Variants in NFATC3 observed in about 807,000 individuals in gnomAD.
NFATC3 encodes the protein nuclear factor of activated T-cells, cytoplasmic 3.
NFATC3 carries 46 observed loss-of-function variants against 98.6 expected under a neutral mutation model. The ratio of observed to expected loss-of-function variants is 0.47; its 90% confidence interval spans 0.37 to 0.60. The LOEUF (loss-of-function observed/expected upper bound fraction) is 0.60. Among genes scored for constraint, NFATC3 ranks in the 20% least tolerant of loss-of-function variants. NFATC3 has a pLI of 0.00. For missense variants in NFATC3, 1,256 were observed against 1,295.5 expected, an observed-to-expected ratio of 0.97 and a Z score of 0.47; for synonymous variants, 512 against 472.2, an observed-to-expected ratio of 1.08 and a Z score of -1.09.
intron 5 of NFATC3, among the ~76,000 whole-genome samples, chr16:68,168,909 G>T (rs2039337692): frequency 6.6e-6 from 1 of 152,120 alleles, no homozygotes; most frequent in African/African-American, 2.4e-5. Context: ...TAAATCTGTG[G>T]TGAATTAGCT....
intron 1 of NFATC3, among the ~76,000 whole-genome samples, chr16:68,099,671 A>T (rs1185213252): frequency 6.6e-6 from 1 of 152,016 alleles, no homozygotes; most frequent in African/African-American, 2.4e-5. Context: ...ACTTCTTTAT[A>T]AGCACATCCT....
chr16:68,175,203 A>G (rs2039635163), intron 6 of NFATC3, among the ~76,000 whole-genome samples: 1 of 152,210 alleles, frequency 6.6e-6, no homozygotes, highest in South Asian at 2.1e-4. Context: ...CATTTGTATA[A>G]AATGTCCAGT....
chr16:68,138,499 A>G, intron 3 of NFATC3: 1 of 1,263,404 alleles, frequency 7.9e-7, no homozygotes, highest in Non-Finnish European at 1.0e-6. Context: ...TTTCTTTCAA[A>G]TTGTTGCTCA....
chr16:68,159,178 C>T (rs1051577683), intron 4 of NFATC3, among the ~76,000 whole-genome samples: 3 of 151,992 alleles, frequency 2.0e-5, no homozygotes, highest in African/African-American at 4.8e-5. Flanking sequence ...GGCAGTTAGT[C>T]GAGATAGTGC....
At chr16:68,130,288 T>C (rs2037051015) in intron 3 of NFATC3, among the ~76,000 whole-genome samples, 1 of 152,176 alleles carries the variant, frequency 6.6e-6, no homozygotes, top group Non-Finnish European at 1.5e-5. Context: ...CAGTGTTCCC[T>C]TTTCTCCTTA....
At chr16:68,089,298 C>T in intron 1 of NFATC3, 2 of 983,050 alleles carry the variant, frequency 2.0e-6, no homozygotes, top group Non-Finnish European at 2.4e-6. Flanking sequence ...GTGAGATGGA[C>T]TTGATAACGC....
intron 1 of NFATC3, among the ~76,000 whole-genome samples, chr16:68,112,503 C>G (rs911849260): frequency 6.6e-6 from 1 of 151,570 alleles, no homozygotes; most frequent in Non-Finnish European, 1.5e-5. Flanking sequence ...GTCTTGAACT[C>G]CTGGTCTCGT....
At chr16:68,101,842 A>T (rs980740197) in intron 1 of NFATC3, among the ~76,000 whole-genome samples, 2 of 152,076 alleles carry the variant, frequency 1.3e-5, no homozygotes, top group African/African-American at 4.8e-5. Flanking sequence ...TCGTCTGTCA[A>T]TTTTATTTTC....
intron 2 of NFATC3, among the ~76,000 whole-genome samples, chr16:68,124,092 G>A (rs539100311): frequency 2.1e-4 from 32 of 152,132 alleles, no homozygotes; most frequent in African/African-American, 7.7e-4. Context: ...CCCACATGGA[G>A]TTGTGCCTGT....
rs2036613642 is a variant in NFATC3 at position 68,122,180 on chromosome 16, A to AT, written c.299dup (p.Leu100PhefsTer8). The AT allele has an allele frequency of 1.2e-6, 2 of 1,614,172 alleles. No individual in the cohort carries two copies. The highest frequency in any genetic ancestry group is 1.7e-6 in the Non-Finnish European group (2 of 1,180,036). ...AGATTCCTGAATCTAAATATAGCCC[A>AT]TTAGGTGGTCCCAAACCCTTTGAGT... On this transcript the variant is annotated frameshift_variant, in exon 2 of 10. Coordinates refer to ENST00000346183, the MANE Select transcript of NFATC3 (RefSeq NM_173165.3). LOFTEE classifies it high-confidence loss of function.
Position 68,085,657 on chromosome 16 carries a change from A to G in NFATC3, c.-25A>G, listed in dbSNP as rs1043398185. On this transcript the variant is annotated 5_prime_UTR_variant, in exon 1 of 10. Transcript: ENST00000346183. ...CTGCCGCCGCCGCCGCCTGAGGAGG[A>G]GCTGCAGCACCCTGGGCCACGCCGA... is the stretch of plus-strand genomic sequence containing the variant. 6.7e-7 allele frequency: 1 copy of G among 1,487,816 alleles called. No individual in the cohort carries two copies. The highest frequency in any genetic ancestry group is 2.4e-5 in the Admixed American group (1 of 42,532). The allele number at this position is 1,487,816 out of a possible 1,614,324, so 92.2% of individuals were successfully genotyped here.
intron 1 of NFATC3, among the ~76,000 whole-genome samples, chr16:68,094,569 C>T (rs1482489216): frequency 6.6e-6 from 1 of 152,118 alleles, no homozygotes; most frequent in Admixed American, 6.5e-5. Flanking sequence ...CTCTCAAGAT[C>T]AGTACTCTTT....
Position 68,191,147 on chromosome 16 carries a change from A to T in NFATC3, c.2478A>T (p.Glu826Asp), listed in dbSNP as rs755796955. 1.4e-5 allele frequency: 23 copies of T among 1,614,082 alleles called. No homozygotes were observed. In the South Asian group the frequency reaches 2.5e-4, roughly 18 times the overall value. ...CLPINAASSQ[E>D]FDSVLFQQDA... ...CTATTAATGCTGCCTCTAGTCAAGA[A>T]TTTGATTCAGTTTTGTTTCAGCAGG... Residue 826 changes from glutamate to aspartate, a missense_variant, in exon 9 of 10, where the codon GAA becomes GAT. Coordinates refer to ENST00000346183, the MANE Select transcript of NFATC3 (RefSeq NM_173165.3).
intron 6 of NFATC3, among the ~76,000 whole-genome samples, chr16:68,178,857 G>C (rs2039831137): frequency 6.6e-6 from 1 of 152,142 alleles, no homozygotes; most frequent in African/African-American, 2.4e-5. Context: ...TTAAATGGTG[G>C]CAGTTACTGG....
intron 9 of NFATC3, chr16:68,214,417 C>G: frequency 6.2e-7 from 1 of 1,614,008 alleles, no homozygotes; most frequent in South Asian, 1.1e-5. Context: ...CAGCTCCTTT[C>G]TGGAGAATCT....
At chr16:68,196,443 T>A (rs1461718374) in intron 9 of NFATC3, among the ~76,000 whole-genome samples, 2 of 152,206 alleles carry the variant, frequency 1.3e-5, no homozygotes, top group African/African-American at 4.8e-5. Flanking sequence ...TTGATATTTT[T>A]AATTTGACTC....
At chr16:68,119,720 A>G (rs913473395) in intron 1 of NFATC3, among the ~76,000 whole-genome samples, 10 of 151,786 alleles carry the variant, frequency 6.6e-5, no homozygotes, top group Non-Finnish European at 1.3e-4. Context: ...CCTCCTCTAT[A>G]TTTTTTCCCG....
chr16:68,111,190 G>A (rs2035926845), intron 1 of NFATC3, among the ~76,000 whole-genome samples: 1 of 152,106 alleles, frequency 6.6e-6, no homozygotes, highest in African/African-American at 2.4e-5. Flanking sequence ...TTAATTTTTT[G>A]TCTCGATGAT....
chr16:68,148,964 C>T (rs1211284077), intron 3 of NFATC3, among the ~76,000 whole-genome samples: 1 of 151,886 alleles, frequency 6.6e-6, no homozygotes, highest in Non-Finnish European at 1.5e-5. Context: ...CCACTGCACT[C>T]CAGCCTGGGC....
Sources: allele counts gnomAD v4.1 joint callset (sites outside exome capture counted in the v4.1 genomes callset), GRCh38; gene constraint gnomAD v4.1.1; transcripts MANE v1.5; gene names NCBI Gene and HGNC (gene_info 2026-07-23, HGNC 2026-07-21).